Variants in DCLRE1C observed in about 807,000 individuals in gnomAD.
DCLRE1C encodes protein artemis.
DCLRE1C carries 47 observed loss-of-function variants against 61.4 expected under a neutral mutation model. That is an observed-to-expected ratio of 0.77 (90% CI 0.61 to 0.98). DCLRE1C has a LOEUF of 0.98. Among genes scored for constraint, DCLRE1C ranks in the 50% least tolerant of loss-of-function variants. DCLRE1C has a pLI of 0.00. For missense variants in DCLRE1C, 858 were observed against 816.0 expected (o/e 1.05, Z -0.63); for synonymous variants, 337 against 287.6 (o/e 1.17, Z -1.74).
At chr10:14,914,637 C>A (rs537991981) in intron 13 of DCLRE1C, among the ~76,000 whole-genome samples, 4 of 152,254 alleles carry the variant, frequency 2.6e-5, no homozygotes, top group Non-Finnish European at 5.9e-5. Flanking sequence ...CGTAAATATT[C>A]TGGACCATAA....
downstream of DCLRE1C, chr10:14,902,521 A>G (rs768804842): frequency 6.6e-7 from 1 of 1,521,014 alleles, no homozygotes; most frequent in Non-Finnish European, 8.9e-7. Context: ...GAACTTTTTC[A>G]GGAAATAGAG....
chr10:14,923,417 G>T, intron 11 of DCLRE1C: 1 of 272,960 alleles, frequency 3.7e-6, no homozygotes, highest in South Asian at 3.9e-5. Context: ...TGTCCAAGAA[G>T]GTCAGTTGCT....
chr10:14,921,461 C>T (rs560820219), intron 12 of DCLRE1C, among the ~76,000 whole-genome samples: 102 of 152,292 alleles, frequency 6.7e-4, no homozygotes, highest in Middle Eastern at 3.4e-3. Flanking sequence ...CTCCTGTTGC[C>T]ATCTTGTCTC....
Position 14,905,671 on chromosome 10 carries a change from A to G in DCLRE1C, c.*2737T>C, listed in dbSNP as rs940878251. On this transcript the variant is annotated 3_prime_UTR_variant, in exon 14 of 14. Coordinates refer to ENST00000378278, the MANE Select transcript of DCLRE1C (RefSeq NM_001033855.3). ...GGCTGACTGCTGAGTGTCTTCTGTG[A>G]TACATCTTGGCATTTTGAAACTTCA... Among the ~76,000 whole-genome samples the G allele has an allele frequency of 2.6e-5, 4 of 152,340 alleles. No individual in the cohort carries two copies. In the East Asian group the frequency reaches 7.7e-4, roughly 29 times the overall value.
chr10:14,921,691 T>C, intron 12 of DCLRE1C, among the ~76,000 whole-genome samples: 1 of 152,204 alleles, frequency 6.6e-6, no homozygotes, highest in Non-Finnish European at 1.5e-5. Context: ...GGGCACCCTC[T>C]GCTTACCCTT....
At chr10:14,922,720 CT>C (rs1837316024) in intron 12 of DCLRE1C, among the ~76,000 whole-genome samples, 1 of 152,160 alleles carries the variant, frequency 6.6e-6, no homozygotes, top group South Asian at 2.1e-4. Context: ...GAGAAGTGAT[CT>C]GGCCAAGCTC....
intron 13 of DCLRE1C, among the ~76,000 whole-genome samples, chr10:14,910,276 G>A (rs1246802079): frequency 6.6e-6 from 1 of 152,168 alleles, no homozygotes; most frequent in East Asian, 1.9e-4. Flanking sequence ...ACTGAACTTA[G>A]GGCTTAAGGT....
At chr10:14,926,015 C>A (rs368630765) in intron 11 of DCLRE1C, among the ~76,000 whole-genome samples, 2 of 152,214 alleles carry the variant, frequency 1.3e-5, no homozygotes, top group East Asian at 3.9e-4. Flanking sequence ...TCACTCTGCA[C>A]TTCTTGCTGC....
Position 14,909,068 on chromosome 10 carries a change from C to T in DCLRE1C, c.1419G>A (p.Leu473=), listed in dbSNP as rs894826033. The change falls in exon 14 of 14, where the codon CTG becomes CTA. Residue 473 remains leucine (L), a synonymous_variant. Transcript: ENST00000378278. ...CCTTTTGCAGGTGAAGTACAGAGCC[C>T]AGATCTCCTTGCAGTGAAGCTGGGA... ...VGIPASLQGD[L]GSVLHLQKAD... is the part of the protein sequence containing the mutation. 1.9e-6 allele frequency: 3 copies of T among 1,614,166 alleles called. No individual in the cohort carries two copies. The highest frequency in any genetic ancestry group is 8.5e-7 in the Non-Finnish European group (1 of 1,180,030).
intron 11 of DCLRE1C, among the ~76,000 whole-genome samples, chr10:14,926,082 G>A (rs569272061): frequency 6.6e-6 from 1 of 152,290 alleles, no homozygotes; most frequent in East Asian, 1.9e-4. Context: ...GGCCTCCCCA[G>A]CCCTGCGGAA....
downstream of DCLRE1C, among the ~76,000 whole-genome samples, chr10:14,902,173 A>G (rs1157095962): frequency 2.0e-5 from 3 of 152,228 alleles, no homozygotes; most frequent in Admixed American, 6.5e-5. Context: ...TTATTAACCC[A>G]CACCATCCTT....
At chr10:14,922,931 C>A in intron 12 of DCLRE1C, 50 bp downstream of exon 12, 1 of 1,330,498 alleles carries the variant, frequency 7.5e-7, no homozygotes, top group South Asian at 1.2e-5. Context: ...TGTGTCCTAG[C>A]CAAGAGCCAC....
chr10:14,898,585 A>C (rs938510942), exon 14 of DCLRE1C: 2 of 152,198 alleles, frequency 1.3e-5, no homozygotes, highest in African/African-American at 4.8e-5. Context: ...TTGTATAATC[A>C]AATTACTCTT....
chr10:14,916,067 C>T (rs1210456396), intron 13 of DCLRE1C, among the ~76,000 whole-genome samples: 10 of 152,144 alleles, frequency 6.6e-5, no homozygotes, highest in Non-Finnish European at 1.5e-4. Context: ...TGATATCTCT[C>T]CACCTACCAA....
intron 12 of DCLRE1C, among the ~76,000 whole-genome samples, chr10:14,922,602 C>T (rs141450103): frequency 1.3e-5 from 2 of 152,162 alleles, no homozygotes; most frequent in Non-Finnish European, 2.9e-5. Context: ...TGGCATGGTG[C>T]TAGGTGCTTT....
At position 14,908,017 on chromosome 10, in the gene DCLRE1C, G is replaced by A. The variant is rs189798814; in HGVS notation, c.*391C>T. On this transcript the variant is annotated 3_prime_UTR_variant, in exon 14 of 14. Transcript: ENST00000378278. ...GCTGGGATTACAGGCATGAGCCACC[G>A]TGCCTGGCCTTTTTCTTTTTTAAAC... 2.8e-4 allele frequency: 50 copies of A among 178,356 alleles called. No homozygotes were observed. The highest frequency in any genetic ancestry group is 2.7e-3 in the Middle Eastern group (1 of 364). The allele number at this position is 178,356 out of a possible 1,614,324, so 11.0% of individuals were successfully genotyped here.
chr10:14,928,811 C>G (rs1838481552), intron 9 of DCLRE1C, among the ~76,000 whole-genome samples: 1 of 135,454 alleles, frequency 7.4e-6, no homozygotes. Flanking sequence ...TTTAGACAGT[C>G]TCGCTTTGTC....
At chr10:14,929,168 G>T (rs1838538866) in intron 9 of DCLRE1C, among the ~76,000 whole-genome samples, 1 of 152,170 alleles carries the variant, frequency 6.6e-6, no homozygotes, top group South Asian at 2.1e-4. Flanking sequence ...ACTCTGGGAG[G>T]CTGAGGCAGG....
intron 3 of DCLRE1C, among the ~76,000 whole-genome samples, chr10:14,944,091 T>C (rs1327998238): frequency 6.6e-6 from 1 of 152,182 alleles, no homozygotes. Flanking sequence ...TATGACAGCC[T>C]GTAATTTGTT....
Sources: gnomAD v4.1 joint callset for allele counts (sites outside exome capture counted in the v4.1 genomes callset) on GRCh38, gnomAD v4.1.1 for gene constraint, MANE v1.5 for transcripts, NCBI Gene and HGNC (gene_info 2026-07-23, HGNC 2026-07-21) for gene names.